Variants in FBN2 observed in about 807,000 individuals in gnomAD.
The protein encoded by FBN2 is fibrillin 2.
In FBN2, 105 loss-of-function variants were observed where a neutral mutation model predicts 355.6. The ratio of observed to expected loss-of-function variants is 0.30; its 90% confidence interval spans 0.25 to 0.35. The LOEUF (loss-of-function observed/expected upper bound fraction) is 0.35. FBN2 is among the 10% of genes least tolerant of loss of function. The pLI is 1.00. For synonymous variants in FBN2, 1,350 were observed against 1,301.2 expected, an observed-to-expected ratio of 1.04 and a Z score of -0.81; for missense variants, 3,280 against 3,758.7, an observed-to-expected ratio of 0.87 and a Z score of 3.33.
chr5:128,261,669 A>AT (rs1413657991), intron 64 of FBN2, 67 bp downstream of exon 64: 2 of 1,455,490 alleles, frequency 1.4e-6, no homozygotes, highest in African/African-American at 1.4e-5. Flanking sequence ...AAACGACGTG[A>AT]ACTGCACTGT....
At chr5:128,363,169 C>T (rs569216167) in intron 18 of FBN2, among the ~76,000 whole-genome samples, 2 of 151,884 alleles carry the variant, frequency 1.3e-5, no homozygotes, top group Non-Finnish European at 2.9e-5. Context: ...TCTCCACTCC[C>T]CTTCCCTCCC....
chr5:128,482,900 G>A (rs1370685288), intron 5 of FBN2, among the ~76,000 whole-genome samples: 1 of 152,046 alleles, frequency 6.6e-6, no homozygotes, highest in African/African-American at 2.4e-5. Context: ...ATACGAACAA[G>A]GTCATGACAG....
chr5:128,273,069 A>C (rs1765305879), intron 61 of FBN2, among the ~76,000 whole-genome samples: 1 of 151,766 alleles, frequency 6.6e-6, no homozygotes, highest in South Asian at 2.1e-4. Context: ...AAGAATAGTT[A>C]ATGTTAAAAG....
At chr5:128,463,513 C>T (rs182051938) in intron 6 of FBN2, among the ~76,000 whole-genome samples, 7 of 152,110 alleles carry the variant, frequency 4.6e-5, no homozygotes, top group African/African-American at 7.2e-5. Context: ...CTCCGTAGTT[C>T]GGATTCAAAA....
intron 6 of FBN2, among the ~76,000 whole-genome samples, chr5:128,461,261 A>G (rs1041129519): frequency 1.3e-5 from 2 of 152,236 alleles, no homozygotes; most frequent in Non-Finnish European, 2.9e-5. Context: ...AAAGCTCATC[A>G]TCACTGATCA....
At chr5:128,405,583 C>A (rs1235217404) in intron 8 of FBN2, among the ~76,000 whole-genome samples, 1 of 152,078 alleles carries the variant, frequency 6.6e-6, no homozygotes, top group East Asian at 1.9e-4. Context: ...TTTTCCAATG[C>A]AGAACAAAAA....
chr5:128,353,129 C>G (rs1240620719), intron 20 of FBN2, among the ~76,000 whole-genome samples: 3 of 151,296 alleles, frequency 2.0e-5, no homozygotes, highest in Admixed American at 1.3e-4. Context: ...GATCGTGTCA[C>G]TGTATTCTAG....
intron 39 of FBN2, among the ~76,000 whole-genome samples, chr5:128,310,595 T>C (rs1750028037): frequency 6.6e-6 from 1 of 152,008 alleles, no homozygotes; most frequent in South Asian, 2.1e-4. Flanking sequence ...GTGCAGCTGC[T>C]GGTTGTTCTC....
rs529363488 is a variant in FBN2 at position 128,351,291 on chromosome 5, A to T, written c.2675-286T>A. ...GCTGGGTGCAGTGGCTCACGCCTGT[A>T]ATCCCAGCACTTTGGGAGGCCGAGG... On this transcript the variant is annotated intron_variant, in intron 20 of 64. Coordinates refer to ENST00000262464, the MANE Select transcript of FBN2 (RefSeq NM_001999.4). Among the ~76,000 whole-genome samples, 333 of 152,216 alleles carry T rather than the reference A, an allele frequency of 2.2e-3. 4 individuals carry two copies. The highest frequency in any genetic ancestry group is 1.2e-3 in the Non-Finnish European group (79 of 68,016).
chr5:128,383,663 C>T (rs1157766797), intron 11 of FBN2, among the ~76,000 whole-genome samples: 1 of 151,902 alleles, frequency 6.6e-6, no homozygotes, highest in Non-Finnish European at 1.5e-5. Flanking sequence ...TGACCCTTTA[C>T]CAAAGAAGTG....
At chr5:128,496,689 T>C (rs1341591641) in intron 5 of FBN2, among the ~76,000 whole-genome samples, 2 of 152,014 alleles carry the variant, frequency 1.3e-5, no homozygotes, top group Non-Finnish European at 2.9e-5. Flanking sequence ...AAAGCATCCA[T>C]GTTGGAATGA....
chr5:128,402,723 C>G (rs1029021894), intron 8 of FBN2, among the ~76,000 whole-genome samples: 1 of 152,148 alleles, frequency 6.6e-6, no homozygotes, highest in Non-Finnish European at 1.5e-5. Flanking sequence ...AGTAGGTGTT[C>G]GGTAAATAGC....
intron 5 of FBN2, among the ~76,000 whole-genome samples, chr5:128,487,067 C>G (rs953404100): frequency 1.3e-5 from 2 of 152,120 alleles, no homozygotes; most frequent in Non-Finnish European, 2.9e-5. Context: ...ACGTATCTGC[C>G]CCCTTTAAAA....
chr5:128,359,050 A>T (rs1751573008), intron 19 of FBN2, among the ~76,000 whole-genome samples: 1 of 152,088 alleles, frequency 6.6e-6, no homozygotes, highest in African/African-American at 2.4e-5. Flanking sequence ...TAGTTATGTC[A>T]CTGGAAACAC....
At chr5:128,401,249 G>A (rs762115506) in intron 8 of FBN2, among the ~76,000 whole-genome samples, 1 of 152,012 alleles carries the variant, frequency 6.6e-6, no homozygotes, top group South Asian at 2.1e-4. Flanking sequence ...ATATTGAGAG[G>A]GGTTCACAAA....
At chr5:128,484,138 C>T (rs1463644553) in intron 5 of FBN2, among the ~76,000 whole-genome samples, 3 of 152,172 alleles carry the variant, frequency 2.0e-5, no homozygotes, top group Non-Finnish European at 4.4e-5. Flanking sequence ...ACAAATTATC[C>T]ATACTTGAGT....
At chr5:128,275,901 T>C (rs1306948256) in intron 59 of FBN2, 137 bp downstream of exon 59, 10 of 953,620 alleles carry the variant, frequency 1.0e-5, no homozygotes, top group Admixed American at 1.8e-5. Flanking sequence ...AGTTTTTCTA[T>C]GAGCAATAAC....
At chr5:128,450,540 G>T (rs1007447292) in intron 6 of FBN2, among the ~76,000 whole-genome samples, 4 of 152,090 alleles carry the variant, frequency 2.6e-5, no homozygotes, top group Non-Finnish European at 5.9e-5. Flanking sequence ...AGCTAAAGTG[G>T]TGCTTAGAGG....
At chr5:128,304,852 G>T in intron 45 of FBN2, 105 bp downstream of exon 45, 1 of 1,451,186 alleles carries the variant, frequency 6.9e-7, no homozygotes, top group Non-Finnish European at 9.6e-7. Context: ...TTGCAAGATT[G>T]TTTCTGACAG....
Sources: gnomAD v4.1 joint callset for allele counts (sites outside exome capture counted in the v4.1 genomes callset) on GRCh38, gnomAD v4.1.1 for gene constraint, MANE v1.5 for transcripts, NCBI Gene and HGNC (gene_info 2026-07-23, HGNC 2026-07-21) for gene names.